Variants in SMIM20 observed in about 807,000 individuals in gnomAD.
The protein encoded by SMIM20 is mitochondrial translation regulation assembly intermediate of cytochrome c oxidase protein of 7 kDa.
A neutral mutation model predicts 8.7 loss-of-function variants in SMIM20; 3 were observed. That is an observed-to-expected ratio of 0.34 (90% CI 0.16 to 0.89). The LOEUF is 0.89. Among genes scored for constraint, SMIM20 ranks in the 40% least tolerant of loss-of-function variants. The probability of loss-of-function intolerance (pLI) is 0.49; values close to 1 mark genes in which losing one functional copy is unlikely to be tolerated. For missense variants in SMIM20, 85 were observed against 84.8 expected (o/e 1.00, Z -0.01); for synonymous variants, 44 against 33.6 (o/e 1.31, Z -1.07).
chr4:25,928,507 T>G, intron 2 of SMIM20, 138 bp downstream of exon 2: 2 of 831,454 alleles, frequency 2.4e-6, no homozygotes, highest in Non-Finnish European at 1.8e-6. Context: ...TGCTATTTAT[T>G]TCTCAACAGT....
At chr4:25,918,879 A>G (rs1273370307) in intron 1 of SMIM20, among the ~76,000 whole-genome samples, 1 of 127,996 alleles carries the variant, frequency 7.8e-6, no homozygotes, top group Non-Finnish European at 1.6e-5. Flanking sequence ...CTTTGTCCTT[A>G]TGTGAATATC....
At chr4:25,927,015 T>C (rs1711528544) in intron 1 of SMIM20, among the ~76,000 whole-genome samples, 1 of 152,126 alleles carries the variant, frequency 6.6e-6, no homozygotes, top group South Asian at 2.1e-4. Context: ...AGGACACCTT[T>C]TGTGTTATTT....
intron 1 of SMIM20, among the ~76,000 whole-genome samples, chr4:25,921,137 C>T (rs1001869390): frequency 1.3e-5 from 2 of 152,158 alleles, no homozygotes; most frequent in African/African-American, 4.8e-5. Context: ...AATCTGGGGA[C>T]AGGAAGGCCA....
At chr4:25,919,408 G>A (rs928711782) in intron 1 of SMIM20, among the ~76,000 whole-genome samples, 46 of 150,882 alleles carry the variant, frequency 3.0e-4, no homozygotes, top group African/African-American at 9.5e-4. Context: ...GCAAGATCTC[G>A]GCTCACTGCA....
At chr4:25,922,321 A>G (rs1205145164) in intron 1 of SMIM20, among the ~76,000 whole-genome samples, 2 of 152,212 alleles carry the variant, frequency 1.3e-5, no homozygotes, top group African/African-American at 2.4e-5. Context: ...AGTAGAGGAA[A>G]GAGCCTTGGA....
chr4:25,927,522 A>G (rs190805373), intron 1 of SMIM20, among the ~76,000 whole-genome samples: 31 of 152,366 alleles, frequency 2.0e-4, no homozygotes, highest in Non-Finnish European at 3.7e-4. Context: ...ACATTTCATT[A>G]CTATAATTTA....
intron 1 of SMIM20, chr4:25,928,079 G>T (rs1394290116): frequency 5.4e-6 from 2 of 369,242 alleles, no homozygotes; most frequent in Admixed American, 9.2e-5. Context: ...GTTAGTTGGG[G>T]AGCTTTTCTT....
rs562719095 is a variant in SMIM20 at position 25,928,276 on chromosome 4, C to A, written c.110-37C>A. ...TACAAATATTTCTCTCTCCCCGCCC[C>A]CCTTCTAAAGAATGATTTTTCTCTT... is the stretch of plus-strand genomic sequence containing the variant. On this transcript the variant is annotated intron_variant, in intron 1 of 2. Coordinates refer to ENST00000506197, the MANE Select transcript of SMIM20 (RefSeq NM_001145432.3). The A allele has an allele frequency of 4.5e-6, 7 of 1,543,280 alleles. No homozygotes were observed. In the South Asian group the frequency reaches 6.1e-5, roughly 13 times the overall value.
chr4:25,914,434 C>G lies in SMIM20; in HGVS notation c.109+12C>G. On this transcript the variant is annotated intron_variant, in intron 1 of 2. Coordinates refer to ENST00000506197, the MANE Select transcript of SMIM20 (RefSeq NM_001145432.3). ...ATTGGAGGAGTACAGTGAGTGATCT[C>G]TAACCCCTTGCGGTGACCTGACTCC... 2 of 1,468,686 alleles carry G rather than the reference C, an allele frequency of 1.4e-6. No individual in the cohort carries two copies. Among genetic ancestry groups the G allele is most frequent in the South Asian group, 2.7e-5 (2 of 72,884 alleles). The allele number at this position is 1,468,686 out of a possible 1,614,324, so 91.0% of individuals were successfully genotyped here.
At chr4:25,914,462 A>AAC (rs1315342913) in intron 1 of SMIM20, 40 bp downstream of exon 1, 2 of 1,423,282 alleles carry the variant, frequency 1.4e-6, no homozygotes, top group Non-Finnish European at 1.9e-6. Context: ...CTGACTCCCC[A>AAC]ACACACACAC....
chr4:25,926,891 C>T (rs1170220577), intron 1 of SMIM20, among the ~76,000 whole-genome samples: 1 of 152,166 alleles, frequency 6.6e-6, no homozygotes, highest in Non-Finnish European at 1.5e-5. Context: ...TGACTGTGGG[C>T]TTTTACATGT....
At chr4:25,928,004 A>G (rs926729970) in intron 1 of SMIM20, among the ~76,000 whole-genome samples, 2 of 152,192 alleles carry the variant, frequency 1.3e-5, no homozygotes, top group Non-Finnish European at 2.9e-5. Flanking sequence ...AGTTCTTTCA[A>G]AATTGTTCTT....
At chr4:25,926,878 T>G (rs535877608) in intron 1 of SMIM20, among the ~76,000 whole-genome samples, 2 of 152,258 alleles carry the variant, frequency 1.3e-5, no homozygotes, top group Non-Finnish European at 2.9e-5. Flanking sequence ...CTGCCAAGAC[T>G]GATGACTGTG....
intron 1 of SMIM20, among the ~76,000 whole-genome samples, chr4:25,918,104 G>A (rs934002340): frequency 6.6e-6 from 1 of 151,948 alleles, no homozygotes; most frequent in Non-Finnish European, 1.5e-5. Flanking sequence ...CACCACGCCC[G>A]GCTAATTTTT....
intron 1 of SMIM20, among the ~76,000 whole-genome samples, chr4:25,921,078 C>T (rs938261457): frequency 2.0e-5 from 3 of 152,182 alleles, no homozygotes; most frequent in African/African-American, 7.2e-5. Flanking sequence ...TCACTCTTTA[C>T]AAGCATCACT....
Position 25,929,058 on chromosome 4 carries a change from A to T in SMIM20, c.167-96A>T, listed in dbSNP as rs1036804370. Reference sequence around the variant, plus strand: ...TCTCAAACTACACTGTAAATTGCACAGCTCAGTTCTGATGTCATTTTGTTT... The same window carrying T: ...TCTCAAACTACACTGTAAATTGCACTGCTCAGTTCTGATGTCATTTTGTTT... On this transcript the variant is annotated intron_variant, in intron 2 of 2. Transcript: ENST00000506197. 1.8e-5 allele frequency: 26 copies of T among 1,424,544 alleles called. No individual in the cohort carries two copies. The African/African-American group carries it at 3.7e-4, about 20-fold the overall frequency. The allele number at this position is 1,424,544 out of a possible 1,614,324, so 88.2% of individuals were successfully genotyped here.
chr4:25,929,724 GCAAGT>G lies in SMIM20; in HGVS notation c.*537_*541del, dbSNP rs1311130212. Reference sequence around the variant, plus strand: ...CACCGTGTTGGAAAATAAATATGAAGCAAGTCAAACTAGATGCATACACTTGTGTA... The same window carrying G: ...CACCGTGTTGGAAAATAAATATGAAGCAAACTAGATGCATACACTTGTGTA... On this transcript the variant is annotated 3_prime_UTR_variant, in exon 3 of 3. Transcript: ENST00000506197. The G allele has an allele frequency of 6.6e-6, 1 of 152,248 alleles. No homozygotes were observed. The highest frequency in any genetic ancestry group is 2.4e-5 in the African/African-American group (1 of 41,420). The allele number at this position is 152,248 out of a possible 1,614,324, so 9.4% of individuals were successfully genotyped here.
chr4:25,928,209 A>C (rs559762324), intron 1 of SMIM20, 104 bp from the exon 2 acceptor site: 1 of 1,187,154 alleles, frequency 8.4e-7, no homozygotes, highest in South Asian at 1.5e-5. Context: ...AGCACTCATA[A>C]ATACTGTTTT....
At chr4:25,914,786 C>T (rs1238109500) in intron 1 of SMIM20, among the ~76,000 whole-genome samples, 1 of 152,204 alleles carries the variant, frequency 6.6e-6, no homozygotes, top group Non-Finnish European at 1.5e-5. Flanking sequence ...TATGTTGGAT[C>T]GTTTCATTTG....
Sources: allele counts gnomAD v4.1 joint callset (sites outside exome capture counted in the v4.1 genomes callset), GRCh38; gene constraint gnomAD v4.1.1; transcripts MANE v1.5; gene names NCBI Gene and HGNC (gene_info 2026-07-23, HGNC 2026-07-21).